The following CHRM3 variants were observed in gnomAD, a reference collection of about 807,000 sequenced individuals.
The protein encoded by CHRM3 is muscarinic acetylcholine receptor M3.
In CHRM3, 11 loss-of-function variants were observed where a neutral mutation model predicts 41.8. That is an observed-to-expected ratio of 0.26 (90% CI 0.17 to 0.44). The LOEUF (loss-of-function observed/expected upper bound fraction) is 0.44, where lower values mean the gene tolerates loss of function less well. Among genes scored for constraint, CHRM3 ranks in the 20% least tolerant of loss-of-function variants. The pLI, the probability that CHRM3 is intolerant of heterozygous loss-of-function variation, is 1.00. For synonymous variants in CHRM3, 297 were observed against 301.4 expected (o/e 0.99, Z 0.15); for missense variants, 571 against 745.4 (o/e 0.77, Z 2.72).
At chr1:239,707,633 G>T (rs1016931389) in intron 5 of CHRM3, 18 of 152,154 alleles carry the variant, frequency 1.2e-4, no homozygotes, top group African/African-American at 4.3e-4. Context: ...GAAAGCAATG[G>T]TTTTGAAATA....
At chr1:239,704,831 A>G (rs1660997820) in intron 5 of CHRM3, 2 of 152,130 alleles carry the variant, frequency 1.3e-5, no homozygotes, top group African/African-American at 2.4e-5. Context: ...AATTTATGCG[A>G]AAGTCTTCTT....
chr1:239,847,711 TACATATACACACACAC>T (rs1406800524), intron 6 of CHRM3, among the ~76,000 whole-genome samples: 9 of 151,632 alleles, frequency 5.9e-5, no homozygotes, highest in Non-Finnish European at 1.0e-4. Flanking sequence ...CACACACACA[TACATATACACACACAC>T]ACATATACAC....
At chr1:239,801,319 C>T (rs373526232) in intron 5 of CHRM3, among the ~76,000 whole-genome samples, 1 of 152,160 alleles carries the variant, frequency 6.6e-6, no homozygotes, top group Non-Finnish European at 1.5e-5. Context: ...TTAGGGCTTC[C>T]TGAAGTAGGT....
At position 239,636,670 on chromosome 1, in the gene CHRM3, T is replaced by TA. The variant is rs542660431; in HGVS notation, c.-250+4391dup. On this transcript the variant is annotated intron_variant, in intron 4 of 6. Transcript: ENST00000676153. ...TGATAATTATATGTTTGGAAAATGTTAAAAAAATGGAAGCTGATCTGTTGA... is the reference window on the plus strand; with the variant it reads ...TGATAATTATATGTTTGGAAAATGTTAAAAAAAATGGAAGCTGATCTGTTGA... 2.9e-3 allele frequency among the ~76,000 whole-genome samples: 447 copies of TA among 152,290 alleles called. 7 individuals carry two copies. Among genetic ancestry groups the TA allele is most frequent in the African/African-American group, 0.01 (425 of 41,552 alleles).
intron 6 of CHRM3, among the ~76,000 whole-genome samples, chr1:239,858,028 G>T (rs759416256): frequency 2.0e-5 from 3 of 152,020 alleles, no homozygotes; most frequent in African/African-American, 2.4e-5. Context: ...TAATAACATG[G>T]CTATAAATGT....
At chr1:239,763,026 C>A (rs1273671559) in intron 5 of CHRM3, among the ~76,000 whole-genome samples, 1 of 151,738 alleles carries the variant, frequency 6.6e-6, no homozygotes, top group Non-Finnish European at 1.5e-5. Context: ...TTTAAGAGCA[C>A]CAGAATATAT....
rs1039548863 is a variant in CHRM3 at position 239,688,440 on chromosome 1, T to A, written c.-147+10152T>A. 3.5e-5 allele frequency among the ~76,000 whole-genome samples: 5 copies of A among 143,288 alleles called. No homozygotes were observed. The East Asian group carries it at 5.9e-4, about 17-fold the overall frequency. 94.0% of individuals were successfully genotyped at this position (143,288 alleles called of 152,430 possible). ...AAATATATATAAATATATTTACATA[T>A]CATATTTATAAATATATTATATTAT... On this transcript the variant is annotated intron_variant, in intron 5 of 6. Transcript: ENST00000676153.
chr1:239,451,210 CA>C (rs1406939539), intron 1 of CHRM3, among the ~76,000 whole-genome samples: 1 of 151,968 alleles, frequency 6.6e-6, no homozygotes, highest in African/African-American at 2.4e-5. Context: ...TCCCTAAAAA[CA>C]AAAGAAAGAA....
At chr1:239,695,878 C>T (rs1193700571) in intron 5 of CHRM3, among the ~76,000 whole-genome samples, 2 of 152,150 alleles carry the variant, frequency 1.3e-5, no homozygotes, top group Non-Finnish European at 2.9e-5. Context: ...AAAATTTGCA[C>T]AATTCATGTG....
At chr1:239,432,271 T>A (rs556409684) in intron 1 of CHRM3, among the ~76,000 whole-genome samples, 1 of 152,164 alleles carries the variant, frequency 6.6e-6, no homozygotes, top group Non-Finnish European at 1.5e-5. Context: ...TTAAAAATAA[T>A]TCCTAGAAAC....
chr1:239,661,726 A>G (rs1364621234), intron 4 of CHRM3, among the ~76,000 whole-genome samples: 3 of 152,208 alleles, frequency 2.0e-5, no homozygotes, highest in Non-Finnish European at 4.4e-5. Context: ...GTATAATACT[A>G]TAATGGTGGA....
chr1:239,575,805 A>C (rs1662281587), intron 3 of CHRM3, among the ~76,000 whole-genome samples: 1 of 152,044 alleles, frequency 6.6e-6, no homozygotes, highest in African/African-American at 2.4e-5. Context: ...GTAAAAAAAA[A>C]ACACGTAAAA....
intron 6 of CHRM3, among the ~76,000 whole-genome samples, chr1:239,834,148 TCACACACACACA>T (rs34990180): frequency 1.1e-4 from 15 of 135,318 alleles, no homozygotes; most frequent in South Asian, 5.4e-4. Context: ...TAATTCCACA[TCACACACACACA>T]CACACACACA....
At chr1:239,732,305 A>G (rs1428391685) in intron 5 of CHRM3, among the ~76,000 whole-genome samples, 1 of 111,214 alleles carries the variant, frequency 9.0e-6, no homozygotes, top group Admixed American at 9.6e-5. Flanking sequence ...TCTCACTTAG[A>G]TAAGTATACC....
At chr1:239,860,954 CTTA>C (rs1246537251) in intron 6 of CHRM3, among the ~76,000 whole-genome samples, 1 of 152,016 alleles carries the variant, frequency 6.6e-6, no homozygotes, top group Non-Finnish European at 1.5e-5. Flanking sequence ...GAGGACTATT[CTTA>C]TTATTTGTAT....
intron 5 of CHRM3, among the ~76,000 whole-genome samples, chr1:239,729,245 G>A (rs557831689): frequency 1.6e-4 from 25 of 151,848 alleles, no homozygotes; most frequent in African/African-American, 4.6e-4. Flanking sequence ...AATCTTCATC[G>A]TTGAGTGAAC....
At chr1:239,783,460 T>C (rs758515725) in intron 5 of CHRM3, among the ~76,000 whole-genome samples, 7 of 151,964 alleles carry the variant, frequency 4.6e-5, no homozygotes, top group Non-Finnish European at 1.0e-4. Context: ...TTCACAGAAA[T>C]AAATGAATAA....
intron 1 of CHRM3, among the ~76,000 whole-genome samples, chr1:239,440,394 C>T (rs370542646): frequency 6.6e-6 from 1 of 152,004 alleles, no homozygotes; most frequent in Non-Finnish European, 1.5e-5. Context: ...TGGCTGAGGC[C>T]GATGGAGCAC....
At chr1:239,703,502 A>G (rs1249699281) in intron 5 of CHRM3, 1 of 152,200 alleles carries the variant, frequency 6.6e-6, no homozygotes, top group African/African-American at 2.4e-5. Flanking sequence ...ATTTTCTTTT[A>G]TCCTTTCCCC....
Sources: gnomAD v4.1 joint callset for allele counts (sites outside exome capture counted in the v4.1 genomes callset) on GRCh38, gnomAD v4.1.1 for gene constraint, MANE v1.5 for transcripts, NCBI Gene and HGNC (gene_info 2026-07-23, HGNC 2026-07-21) for gene names.